The following ASTN2 variants were observed in gnomAD, a reference collection of about 807,000 sequenced individuals.
ASTN2 encodes astrotactin 2.
ASTN2 carries 54 observed loss-of-function variants against 139.8 expected under a neutral mutation model. That is an observed-to-expected ratio of 0.39 (90% CI 0.31 to 0.48). ASTN2 has a LOEUF of 0.48. Among genes scored for constraint, ASTN2 ranks in the 20% least tolerant of loss-of-function variants. ASTN2 has a pLI of 0.95. For missense variants in ASTN2, 1,565 were observed against 1,725.1 expected (o/e 0.91, Z 1.64); for synonymous variants, 756 against 719.5 (o/e 1.05, Z -0.81).
chr9:117,277,895 G>A (rs1445643388), intron 2 of ASTN2, among the ~76,000 whole-genome samples: 2 of 152,162 alleles, frequency 1.3e-5, no homozygotes, highest in African/African-American at 4.8e-5. Context: ...TTCTCTGATA[G>A]ATTCATTTTC....
At chr9:116,569,428 C>T (rs1853400035) in intron 19 of ASTN2, among the ~76,000 whole-genome samples, 1 of 152,200 alleles carries the variant, frequency 6.6e-6, no homozygotes. Context: ...CAAAACACAG[C>T]AGTAATAAAT....
rs905763826 is a variant in ASTN2, at chr9:116,888,769, C to T, written c.1890-25036G>A. Among the ~76,000 whole-genome samples the T allele has an allele frequency of 2.6e-5, 4 of 152,056 alleles. No individual in the cohort carries two copies. The East Asian group carries it at 7.7e-4, about 29-fold the overall frequency. On this transcript the variant is annotated intron_variant, in intron 10 of 22. Coordinates refer to ENST00000313400, the MANE Select transcript of ASTN2 (RefSeq NM_001365068.1). ...GTTTGTTACATAGGTAAATGTGTGT[C>T]ATGGTGGTTTGCTGCACCTATCAAC...
At chr9:117,010,872 T>C (rs1837509371) in intron 6 of ASTN2, among the ~76,000 whole-genome samples, 1 of 152,190 alleles carries the variant, frequency 6.6e-6, no homozygotes, top group Non-Finnish European at 1.5e-5. Flanking sequence ...CAGGACTTTC[T>C]ATCCTCACAT....
At chr9:116,718,972 G>GTATATATATATATATATATATA (rs373217069) in intron 16 of ASTN2, among the ~76,000 whole-genome samples, 4,556 of 99,214 alleles carry the variant, frequency 0.046, 605 homozygotes, top group East Asian at 0.18. Flanking sequence ...ACCTGTATCT[G>GTATATATATATATATATATATA]TACATATATA....
At chr9:116,610,757 GA>G (rs1463172967) in intron 19 of ASTN2, 1 of 151,980 alleles carries the variant, frequency 6.6e-6, no homozygotes, top group Non-Finnish European at 1.5e-5. Context: ...TTCATCAAGA[GA>G]ATATGAAAAT....
intron 2 of ASTN2, among the ~76,000 whole-genome samples, chr9:117,237,069 A>G (rs1205132632): frequency 6.6e-6 from 1 of 152,094 alleles, no homozygotes; most frequent in Non-Finnish European, 1.5e-5. Flanking sequence ...TTCTTTTGGC[A>G]TTTTCTATCT....
chr9:117,394,385 C>T (rs1305429707), intron 1 of ASTN2, among the ~76,000 whole-genome samples: 1 of 152,144 alleles, frequency 6.6e-6, no homozygotes, highest in Non-Finnish European at 1.5e-5. Context: ...TGATCCTAGG[C>T]ACACTTCATA....
At chr9:116,500,283 G>A (rs1037796015) in intron 19 of ASTN2, among the ~76,000 whole-genome samples, 5 of 152,164 alleles carry the variant, frequency 3.3e-5, no homozygotes, top group Non-Finnish European at 7.3e-5. Context: ...AGCTTCACAA[G>A]TGCATGATGA....
intron 1 of ASTN2, among the ~76,000 whole-genome samples, chr9:117,362,302 C>T (rs1829714220): frequency 6.6e-6 from 1 of 152,042 alleles, no homozygotes; most frequent in Non-Finnish European, 1.5e-5. Context: ...GAGACAGTTC[C>T]CATGCTTGTT....
At chr9:117,237,439 T>G (rs112132539) in intron 2 of ASTN2, among the ~76,000 whole-genome samples, 2 of 152,200 alleles carry the variant, frequency 1.3e-5, no homozygotes, top group African/African-American at 4.8e-5. Context: ...ATGCAGCACC[T>G]TAGAATTTTT....
At chr9:116,525,756 T>C (rs1851063223) in intron 19 of ASTN2, among the ~76,000 whole-genome samples, 1 of 152,186 alleles carries the variant, frequency 6.6e-6, no homozygotes, top group Non-Finnish European at 1.5e-5. Flanking sequence ...GCAAAACTCC[T>C]ACTATACTGT....
chr9:116,979,984 T>C (rs1836461793), intron 7 of ASTN2, among the ~76,000 whole-genome samples: 1 of 152,182 alleles, frequency 6.6e-6, no homozygotes, highest in Non-Finnish European at 1.5e-5. Context: ...GGATCATTAA[T>C]TACTGATGCT....
chr9:116,691,110 G>A (rs1001385471), intron 16 of ASTN2, among the ~76,000 whole-genome samples: 11 of 152,122 alleles, frequency 7.2e-5, no homozygotes, highest in Non-Finnish European at 1.5e-4. Context: ...TGTAGAGATG[G>A]TGTTTCACTC....
At chr9:117,306,036 A>G (rs1335674621) in intron 1 of ASTN2, among the ~76,000 whole-genome samples, 2 of 152,160 alleles carry the variant, frequency 1.3e-5, no homozygotes, top group African/African-American at 4.8e-5. Flanking sequence ...AAATTCCTGG[A>G]AAAAGGAAAA....
chr9:116,425,497 A>G lies in ASTN2; in HGVS notation c.*354T>C, dbSNP rs998470104. 3.4e-6 allele frequency: 5 copies of G among 1,458,512 alleles called. No homozygotes were observed. In the African/African-American group the frequency reaches 5.6e-5, roughly 16 times the overall value. 90.3% of individuals were successfully genotyped at this position (1,458,512 alleles called of 1,614,324 possible). A position where few individuals can be genotyped will look rare whatever the true frequency, so the allele number is the denominator to read the frequency against. On this transcript the variant is annotated 3_prime_UTR_variant, in exon 23 of 23. Transcript: ENST00000313400. ...GGGGTCCATGGCAGGAAGAAAGCAG[A>G]GTGTGGCAGGAAGAAGGAAGAAGAG...
At chr9:117,143,029 G>C (rs1053397047) in intron 3 of ASTN2, among the ~76,000 whole-genome samples, 9 of 152,196 alleles carry the variant, frequency 5.9e-5, no homozygotes, top group Non-Finnish European at 1.3e-4. Context: ...AGGCGCTCCT[G>C]TTTTCTCAGG....
intron 11 of ASTN2, among the ~76,000 whole-genome samples, chr9:116,839,881 A>ATTATTTTT (rs55634992): frequency 3.9e-5 from 5 of 127,964 alleles, no homozygotes; most frequent in Non-Finnish European, 6.4e-5. Flanking sequence ...TATTATTATT[A>ATTATTTTT]TTTTTTTTTT....
intron 10 of ASTN2, among the ~76,000 whole-genome samples, chr9:116,930,951 C>T (rs974431124): frequency 3.9e-5 from 6 of 152,192 alleles, no homozygotes; most frequent in African/African-American, 1.4e-4. Flanking sequence ...AGGCCCAGTC[C>T]TTCCCATCAA....
In ASTN2 at chr9:116,698,008, C is replaced by A. The variant is rs1403293489; in HGVS notation, c.2806+27763G>T. ...ACAGTGCTAAAGATCATTGATACAG[C>A]TGGGCTCAGCGAGGCTGTGGGGCTG... On this transcript the variant is annotated intron_variant, in intron 16 of 22. Coordinates refer to ENST00000313400, the MANE Select transcript of ASTN2 (RefSeq NM_001365068.1). This position sits in a 1 kb window ranked among gnomAD's most constrained non-coding sequence, Gnocchi z 4.4. 6.2e-7 allele frequency: 1 copy of A among 1,614,012 alleles called. No homozygotes were observed. Among genetic ancestry groups the A allele is most frequent in the Non-Finnish European group, 8.5e-7 (1 of 1,180,048 alleles).
Sources: allele counts gnomAD v4.1 joint callset (sites outside exome capture counted in the v4.1 genomes callset), GRCh38; gene constraint gnomAD v4.1.1; non-coding constraint Gnocchi (gnomAD v3.1); transcripts MANE v1.5; gene names NCBI Gene and HGNC (gene_info 2026-07-23, HGNC 2026-07-21).